SS18: variants seen among roughly 807,000 people sequenced by gnomAD.
SS18 encodes the protein SS18 subunit of BAF chromatin remodeling complex.
SS18 carries 28 observed loss-of-function variants against 72.5 expected under a neutral mutation model. The observed-to-expected ratio is 0.39, with a 90% CI of 0.29 to 0.53. SS18 has a LOEUF of 0.53. SS18 is among the 20% of genes least tolerant of loss of function. SS18 has a pLI of 0.76. For missense variants in SS18, 518 were observed against 535.3 expected, an observed-to-expected ratio of 0.97 and a Z score of 0.32; for synonymous variants, 172 against 164.2, an observed-to-expected ratio of 1.05 and a Z score of -0.37.
At chr18:26,021,023 C>G (rs1198629717) in intron 10 of SS18, among the ~76,000 whole-genome samples, 2 of 152,084 alleles carry the variant, frequency 1.3e-5, no homozygotes, top group African/African-American at 4.8e-5. Flanking sequence ...AATATTACCT[C>G]CATTTTATAG....
chr18:26,059,265 A>G (rs1453027681), intron 3 of SS18, among the ~76,000 whole-genome samples: 4 of 152,226 alleles, frequency 2.6e-5, no homozygotes, highest in African/African-American at 9.6e-5. Flanking sequence ...AAAGAACGGA[A>G]GCATATAAGA....
intron 5 of SS18, among the ~76,000 whole-genome samples, chr18:26,041,190 A>T (rs2053717193): frequency 6.6e-6 from 1 of 152,240 alleles, no homozygotes; most frequent in Admixed American, 6.5e-5. Flanking sequence ...TGGGAGGCTA[A>T]GGTGGGTGGA....
At chr18:26,053,524 A>G (rs1267733287) in intron 4 of SS18, among the ~76,000 whole-genome samples, 1 of 150,638 alleles carries the variant, frequency 6.6e-6, no homozygotes, top group Non-Finnish European at 1.5e-5. Context: ...AAAACTCAAA[A>G]TTAAATAATA....
At chr18:26,021,638 A>T (rs982420284) in intron 10 of SS18, among the ~76,000 whole-genome samples, 4 of 152,192 alleles carry the variant, frequency 2.6e-5, no homozygotes, top group African/African-American at 9.6e-5. Flanking sequence ...GTCTAAACTA[A>T]GATAAGGGTG....
upstream of SS18, chr18:26,090,982 C>T (rs926113687): frequency 1.3e-5 from 3 of 233,260 alleles, no homozygotes; most frequent in Admixed American, 1.7e-4. Flanking sequence ...CGGCCCGCCC[C>T]CTTCGCGCCG....
chr18:26,076,452 C>A (rs555418540), intron 3 of SS18, among the ~76,000 whole-genome samples: 5 of 151,908 alleles, frequency 3.3e-5, no homozygotes, highest in Admixed American at 2.0e-4. Flanking sequence ...AAAAAACCAT[C>A]CACATGGAAA....
intron 3 of SS18, among the ~76,000 whole-genome samples, chr18:26,073,324 T>C (rs2054349888): frequency 6.6e-6 from 1 of 152,184 alleles, no homozygotes; most frequent in Admixed American, 6.5e-5. Context: ...AAAACTTATG[T>C]CCATTTTAAA....
chr18:26,082,978 G>A (rs58258745), intron 2 of SS18, among the ~76,000 whole-genome samples: 2,271 of 152,134 alleles, frequency 0.015, 45 homozygotes, highest in African/African-American at 0.051. Context: ...ATGTATTAAC[G>A]TTTCTCTTTA....
rs764726723 is a variant in SS18 at position 26,018,367 on chromosome 18, T to C, written c.1244A>G (p.Asn415Ser). The C allele has an allele frequency of 3.8e-6, 6 of 1,599,028 alleles. No individual in the cohort carries two copies. In the African/African-American group the frequency reaches 8.0e-5, roughly 21 times the overall value. The stretch of plus-strand genomic sequence containing the variant: ...GTAAGTACTTTTTCACTGCTGGTAA[T>C]TTCCATACTGTCCCTAAAAGATAAA... ...PYGYDQGQYG[N>S]YQQ The change falls in exon 11 of 11, where the codon AAT becomes AGT. Residue 415 changes from asparagine (N) to serine (S), a missense_variant. Transcript: ENST00000415083.
At chr18:26,022,601 G>A (rs1311737693) in intron 10 of SS18, among the ~76,000 whole-genome samples, 2 of 152,172 alleles carry the variant, frequency 1.3e-5, no homozygotes, top group African/African-American at 4.8e-5. Context: ...AGTGCACGAA[G>A]GGGAACTGAG....
chr18:26,071,688 C>T (rs2054312112), intron 3 of SS18, among the ~76,000 whole-genome samples: 1 of 152,092 alleles, frequency 6.6e-6, no homozygotes, highest in Non-Finnish European at 1.5e-5. Context: ...ATCAGCCAGG[C>T]ATGATGGTGT....
At position 26,052,540 on chromosome 18, in the gene SS18, C is replaced by T. The variant is rs563861901; in HGVS notation, c.607+84G>A. ...CACTTTAAACTTTTATTTTTATGAA[C>T]CAGCTAAGAACCTGACAACAATCAT... On this transcript the variant is annotated intron_variant, in intron 5 of 10. Transcript: ENST00000415083. The T allele has an allele frequency of 8.2e-6, 9 of 1,099,330 alleles. No homozygotes were observed. The South Asian group carries it at 9.7e-5, about 12-fold the overall frequency. The allele number at this position is 1,099,330 out of a possible 1,614,324, so 68.1% of individuals were successfully genotyped here.
chr18:26,034,829 G>A (rs2053600357), intron 9 of SS18, among the ~76,000 whole-genome samples, 176 bp downstream of exon 9: 2 of 152,038 alleles, frequency 1.3e-5, no homozygotes, highest in Non-Finnish European at 2.9e-5. Context: ...TTTTTAAATG[G>A]ATTACTAGTT....
intron 3 of SS18, among the ~76,000 whole-genome samples, chr18:26,062,215 C>T (rs867237440): frequency 2.0e-5 from 3 of 152,050 alleles, no homozygotes; most frequent in African/African-American, 7.2e-5. Flanking sequence ...GAGCTAAGAT[C>T]ACACCACTAC....
intron 10 of SS18, among the ~76,000 whole-genome samples, chr18:26,027,947 C>T (rs1251530822): frequency 6.6e-6 from 1 of 151,934 alleles, no homozygotes; most frequent in African/African-American, 2.4e-5. Flanking sequence ...AAAGAAAAAA[C>T]TGATAAACTA....
chr18:26,037,326 T>C (rs6508409), intron 7 of SS18, among the ~76,000 whole-genome samples: 38,727 of 152,020 alleles, frequency 0.25, 8,630 homozygotes, highest in African/African-American at 0.6. Flanking sequence ...TCAAATTTAA[T>C]TCTTTAAAAT....
chr18:26,078,432 C>G (rs2054456265), intron 2 of SS18: 1 of 264,542 alleles, frequency 3.8e-6, no homozygotes, highest in Non-Finnish European at 7.1e-6. Flanking sequence ...GAGGCAGGAG[C>G]TCTTTTCTCC....
chr18:26,021,593 A>C (rs959751405), intron 10 of SS18, among the ~76,000 whole-genome samples: 1 of 152,230 alleles, frequency 6.6e-6, no homozygotes, highest in Non-Finnish European at 1.5e-5. Flanking sequence ...ACAGTATGGA[A>C]GATCCTACTG....
intron 10 of SS18, among the ~76,000 whole-genome samples, chr18:26,030,632 TAGAA>T (rs1457914744): frequency 1.3e-5 from 2 of 152,120 alleles, no homozygotes; most frequent in African/African-American, 4.8e-5. Flanking sequence ...TATATTGACT[TAGAA>T]AGGAAAATGA....
Sources: allele counts gnomAD v4.1 joint callset (sites outside exome capture counted in the v4.1 genomes callset), GRCh38; gene constraint gnomAD v4.1.1; transcripts MANE v1.5; gene names NCBI Gene and HGNC (gene_info 2026-07-23, HGNC 2026-07-21).